The following COX7B2 variants were observed in gnomAD, a reference collection of about 807,000 sequenced individuals.
The protein encoded by COX7B2 is cytochrome c oxidase subunit 7B2.
For missense variants in COX7B2, 109 were observed against 95.9 expected (o/e 1.14, Z -0.57); for synonymous variants, 37 against 32.1 (o/e 1.15, Z -0.51).
At chr4:46,802,881 A>T (rs1207810115) in intron 2 of COX7B2, among the ~76,000 whole-genome samples, 2 of 152,142 alleles carry the variant, frequency 1.3e-5, no homozygotes, top group Admixed American at 6.5e-5. Flanking sequence ...TAAAACTGTG[A>T]AGAGATTGTA....
chr4:46,761,717 T>G (rs942628262), intron 2 of COX7B2, among the ~76,000 whole-genome samples: 2 of 152,086 alleles, frequency 1.3e-5, no homozygotes, highest in African/African-American at 2.4e-5. Context: ...CTTGCCCACA[T>G]GATGAATTGG....
chr4:46,740,050 G>A (rs1434055516), intron 2 of COX7B2, among the ~76,000 whole-genome samples: 2 of 151,862 alleles, frequency 1.3e-5, no homozygotes, highest in Non-Finnish European at 2.9e-5. Flanking sequence ...AAAATAATAT[G>A]AGACCTGGAT....
intron 2 of COX7B2, among the ~76,000 whole-genome samples, chr4:46,841,361 G>A (rs796324348): frequency 6.6e-6 from 1 of 151,492 alleles, no homozygotes; most frequent in African/African-American, 2.4e-5. Flanking sequence ...GTGTGTGTGT[G>A]TGTGTGTGTG....
intron 1 of COX7B2, among the ~76,000 whole-genome samples, chr4:46,883,382 T>C (rs1056474743): frequency 2.8e-5 from 1 of 35,872 alleles, no homozygotes; most frequent in Non-Finnish European, 6.3e-5. Context: ...CCTTTCTGTA[T>C]TTTTTTTTAA....
intron 2 of COX7B2, among the ~76,000 whole-genome samples, chr4:46,804,142 AGTT>A (rs1023673421): frequency 1.1e-4 from 16 of 151,542 alleles, no homozygotes; most frequent in African/African-American, 3.2e-4. Context: ...GCGCGTCTGG[AGTT>A]GTTGTTCCTC....
intron 1 of COX7B2, among the ~76,000 whole-genome samples, chr4:46,899,102 C>T (rs907245977): frequency 2.6e-5 from 4 of 152,106 alleles, no homozygotes; most frequent in Admixed American, 6.5e-5. Flanking sequence ...ACCTCTTATA[C>T]AAAATAAGGC....
intron 2 of COX7B2, among the ~76,000 whole-genome samples, chr4:46,802,779 G>A (rs756383267): frequency 2.0e-5 from 3 of 152,106 alleles, no homozygotes; most frequent in Non-Finnish European, 4.4e-5. Context: ...GGAAATTAGA[G>A]GAATGTGGAA....
At chr4:46,760,147 G>A (rs887096382) in intron 2 of COX7B2, among the ~76,000 whole-genome samples, 1 of 152,046 alleles carries the variant, frequency 6.6e-6, no homozygotes, top group Non-Finnish European at 1.5e-5. Flanking sequence ...AAGACAGTGT[G>A]GCGATTCCTC....
intron 1 of COX7B2, among the ~76,000 whole-genome samples, chr4:46,878,642 T>C (rs1322314563): frequency 6.6e-6 from 1 of 152,148 alleles, no homozygotes. Context: ...GGAAAATATG[T>C]TGGCTGTAAA....
chr4:46,847,047 G>A (rs116556820), intron 1 of COX7B2, among the ~76,000 whole-genome samples: 2,980 of 152,028 alleles, frequency 0.02, 43 homozygotes, highest in Non-Finnish European at 0.03. Flanking sequence ...GTTTGAGGAC[G>A]ATCAAATTTA....
intron 2 of COX7B2, among the ~76,000 whole-genome samples, chr4:46,741,415 CATAA>C (rs925638281): frequency 2.0e-5 from 3 of 151,964 alleles, no homozygotes; most frequent in African/African-American, 7.2e-5. Context: ...GTTTTGACAC[CATAA>C]ATGTCTCCAG....
chr4:46,734,870 T>C lies in COX7B2; in HGVS notation c.*77A>G, dbSNP rs550141419. 6.4e-5 allele frequency: 96 copies of C among 1,491,936 alleles called. No homozygotes were observed. The highest frequency in any genetic ancestry group is 8.6e-5 in the Non-Finnish European group (93 of 1,081,448). The allele number at this position is 1,491,936 out of a possible 1,614,324, so 92.4% of individuals were successfully genotyped here. A position where few individuals can be genotyped will look rare whatever the true frequency, so the allele number is the denominator to read the frequency against. On this transcript the variant is annotated 3_prime_UTR_variant, in exon 3 of 3. Transcript: ENST00000355591. ...ACATTTTATTTTTTCAATTGTGCTA[T>C]ATTTTAATAAGCAGTAGAGTGCTTA...
At chr4:46,738,637 T>C (rs1416470661) in intron 2 of COX7B2, among the ~76,000 whole-genome samples, 2 of 152,100 alleles carry the variant, frequency 1.3e-5, no homozygotes, top group Non-Finnish European at 2.9e-5. Flanking sequence ...AATTTTGTGT[T>C]ATCAGTAAGT....
At chr4:46,772,522 C>T (rs1716933246) in intron 2 of COX7B2, among the ~76,000 whole-genome samples, 1 of 151,852 alleles carries the variant, frequency 6.6e-6, no homozygotes, top group Non-Finnish European at 1.5e-5. Flanking sequence ...TCACAATGTA[C>T]ACATAAATCA....
chr4:46,823,672 C>A (rs1477504256), intron 2 of COX7B2, among the ~76,000 whole-genome samples: 1 of 150,722 alleles, frequency 6.6e-6, no homozygotes, highest in Non-Finnish European at 1.5e-5. Flanking sequence ...GTAAGGTCAG[C>A]AACACAAATT....
At chr4:46,840,253 T>C (rs891654673) in intron 2 of COX7B2, among the ~76,000 whole-genome samples, 2 of 151,968 alleles carry the variant, frequency 1.3e-5, no homozygotes, top group South Asian at 2.1e-4. Context: ...GGCAGGACTT[T>C]CCCAGAAATT....
chr4:46,735,154 G>A lies in COX7B2; in HGVS notation c.39C>T (p.Leu13=). The change falls in exon 3 of 3, where the codon CTC becomes CTT. Residue 13 remains leucine (L), a synonymous_variant. Coordinates refer to ENST00000355591, the MANE Select transcript of COX7B2 (RefSeq NM_130902.3). ...FPLARNALSS[L]KIQSILQSMA... ...TGCTTTGCAGAATGCTTTGAATCTTGAGACTGCTTAGTGCATTTCTGGCCA... is the reference window on the plus strand; with the variant it reads ...TGCTTTGCAGAATGCTTTGAATCTTAAGACTGCTTAGTGCATTTCTGGCCA... 2.5e-6 allele frequency: 4 copies of A among 1,613,504 alleles called. No individual in the cohort carries two copies. Among genetic ancestry groups the A allele is most frequent in the Non-Finnish European group, 3.4e-6 (4 of 1,179,792 alleles).
At chr4:46,755,816 CACAA>C in intron 2 of COX7B2, among the ~76,000 whole-genome samples, 1 of 151,980 alleles carries the variant, frequency 6.6e-6, no homozygotes, top group Admixed American at 6.6e-5. Context: ...CTGTAGATGA[CACAA>C]ACAAATGGAA....
chr4:46,748,182 C>G (rs1298135858), intron 2 of COX7B2, among the ~76,000 whole-genome samples: 1 of 152,152 alleles, frequency 6.6e-6, no homozygotes, highest in Non-Finnish European at 1.5e-5. Flanking sequence ...CAGGACCAGA[C>G]TTAAGGTAGA....
Sources: gnomAD v4.1 joint callset for allele counts (sites outside exome capture counted in the v4.1 genomes callset) on GRCh38, gnomAD v4.1.1 for gene constraint, MANE v1.5 for transcripts, NCBI Gene and HGNC (gene_info 2026-07-23, HGNC 2026-07-21) for gene names.